IL1RAPL2: variants seen among roughly 807,000 people sequenced by gnomAD.
IL1RAPL2 encodes the protein X-linked interleukin-1 receptor accessory protein-like 2.
Under a neutral mutation model 44.1 loss-of-function variants are expected in IL1RAPL2, and 3 were observed. That is an observed-to-expected ratio of 0.07 (90% CI 0.03 to 0.18). The LOEUF (loss-of-function observed/expected upper bound fraction) is 0.18. IL1RAPL2 is among the 10% of genes least tolerant of loss of function. The pLI, the probability that IL1RAPL2 is intolerant of heterozygous loss-of-function variation, is 1.00. For synonymous variants in IL1RAPL2, 181 were observed against 178.8 expected (o/e 1.01, Z -0.10); for missense variants, 391 against 496.4 (o/e 0.79, Z 2.02).
intron 2 of IL1RAPL2, among the ~76,000 whole-genome samples, chrX:104,845,105 G>A (rs1306360838): frequency 2.7e-5 from 3 of 111,953 alleles, no homozygotes; most frequent in East Asian, 5.6e-4. Context: ...TCCCTTATCT[G>A]TGTTGAGATG....
chrX:105,178,817 T>C (rs2033501082), intron 2 of IL1RAPL2, among the ~76,000 whole-genome samples: 1 of 111,697 alleles, frequency 9.0e-6, no homozygotes. Flanking sequence ...TATTTGTGTC[T>C]TTTGCCCACT....
chrX:104,656,728 CTTG>C (rs1464630726), intron 1 of IL1RAPL2, among the ~76,000 whole-genome samples: 1 of 111,268 alleles, frequency 9.0e-6, no homozygotes, highest in Non-Finnish European at 1.9e-5. Context: ...CCTGAATATT[CTTG>C]TTAATTTTTT....
In IL1RAPL2 at chrX:105,089,098, C is replaced by T. The variant is rs150650328; in HGVS notation, c.83-106377C>T. Among the ~76,000 whole-genome samples, 650 of 111,174 alleles carry T rather than the reference C, an allele frequency of 5.8e-3. 6 individuals carry two copies. Among genetic ancestry groups the T allele is most frequent in the Middle Eastern group, 0.032 (7 of 216 alleles). The stretch of plus-strand genomic sequence containing the variant: ...TATGAAAAGGATGGAACTTTGCAGA[C>T]CATAAAAAGTATAATAAAGGAGCCA... On this transcript the variant is annotated intron_variant, in intron 2 of 10. Coordinates refer to ENST00000372582, the MANE Select transcript of IL1RAPL2 (RefSeq NM_017416.2).
intron 2 of IL1RAPL2, among the ~76,000 whole-genome samples, chrX:104,674,936 G>C (rs1192850263): frequency 3.6e-5 from 4 of 111,539 alleles, no homozygotes; most frequent in Admixed American, 9.5e-5. Flanking sequence ...TGTGGGATCG[G>C]TGGTGATATC....
At chrX:105,514,034 G>A (rs957047750) in intron 6 of IL1RAPL2, among the ~76,000 whole-genome samples, 1 of 111,388 alleles carries the variant, frequency 9.0e-6, no homozygotes, top group South Asian at 3.8e-4. Context: ...GCAGAATGGG[G>A]AAGGCTTGTG....
At position 105,260,572 on chromosome X, in the gene IL1RAPL2, G is replaced by A. The variant is rs938815525; in HGVS notation, c.544-6816G>A. On this transcript the variant is annotated intron_variant, in intron 4 of 10. Transcript: ENST00000372582. ...CCCCTCCCTCTTGGATCTCCTTCCT[G>A]GGAAAGTTACAAATCTCTGTTGGTT... Among the ~76,000 whole-genome samples, 7 of 109,382 alleles carry A rather than the reference G, an allele frequency of 6.4e-5. No individual in the cohort carries two copies. In the Admixed American group the frequency reaches 6.8e-4, roughly 11 times the overall value. 95.0% of individuals were successfully genotyped at this position (109,382 alleles called of 115,157 possible).
chrX:105,139,880 A>G (rs1044478514), intron 2 of IL1RAPL2, among the ~76,000 whole-genome samples: 2 of 112,239 alleles, frequency 1.8e-5, no homozygotes, highest in African/African-American at 6.5e-5. Context: ...CTTTTTAAAC[A>G]TGATGCATAT....
At chrX:105,755,086 C>T (rs942802978) in intron 9 of IL1RAPL2, 91 bp from the exon 10 acceptor site, 15 of 533,095 alleles carry the variant, frequency 2.8e-5, no homozygotes, top group East Asian at 6.9e-5. Context: ...TTATTAAAGA[C>T]GGTCACTAAT....
chrX:104,687,131 T>C (rs1372833780), intron 2 of IL1RAPL2, among the ~76,000 whole-genome samples: 1 of 112,368 alleles, frequency 8.9e-6, no homozygotes, highest in Non-Finnish European at 1.9e-5. Context: ...TCCAAGTGTA[T>C]TGGAGCATGG....
intron 6 of IL1RAPL2, among the ~76,000 whole-genome samples, chrX:105,601,951 C>G (rs1210078795): frequency 9.0e-6 from 1 of 110,721 alleles, no homozygotes; most frequent in East Asian, 2.9e-4. Flanking sequence ...GGGAGGCTGC[C>G]CACAGTACCA....
intron 6 of IL1RAPL2, among the ~76,000 whole-genome samples, chrX:105,518,195 A>G (rs1191571115): frequency 1.8e-5 from 2 of 110,350 alleles, no homozygotes; most frequent in Non-Finnish European, 3.8e-5. Context: ...CATATAGACT[A>G]GACTCCTGGG....
chrX:105,680,727 A>G (rs1046180982), intron 6 of IL1RAPL2, among the ~76,000 whole-genome samples: 10 of 112,364 alleles, frequency 8.9e-5, no homozygotes, highest in African/African-American at 2.6e-4. Context: ...AGCAGAGTCT[A>G]CTAAATTATT....
intron 2 of IL1RAPL2, among the ~76,000 whole-genome samples, chrX:104,967,308 A>G (rs2030143728): frequency 9.0e-6 from 1 of 111,728 alleles, no homozygotes; most frequent in African/African-American, 3.2e-5. Context: ...ATTTGAATAA[A>G]TATTCACAAG....
At chrX:105,611,597 TAGG>T (rs2037336804) in intron 6 of IL1RAPL2, among the ~76,000 whole-genome samples, 1 of 112,268 alleles carries the variant, frequency 8.9e-6, no homozygotes, top group Admixed American at 9.5e-5. Flanking sequence ...GTTTGTAGCT[TAGG>T]AGCAATAGGC....
intron 2 of IL1RAPL2, among the ~76,000 whole-genome samples, chrX:104,871,062 A>T (rs1028125238): frequency 9.0e-6 from 1 of 111,345 alleles, no homozygotes; most frequent in Non-Finnish European, 1.9e-5. Context: ...ATAAAGAAAA[A>T]GTCAAATTAA....
At chrX:104,946,505 G>A (rs1329562224) in intron 2 of IL1RAPL2, among the ~76,000 whole-genome samples, 1 of 98,358 alleles carries the variant, frequency 1.0e-5, no homozygotes, top group Non-Finnish European at 2.0e-5. Context: ...ATGCTGGTGT[G>A]CTGCACCCAC....
intron 2 of IL1RAPL2, among the ~76,000 whole-genome samples, chrX:104,918,726 C>CA (rs1924538748): frequency 8.9e-6 from 1 of 111,869 alleles, no homozygotes; most frequent in South Asian, 3.7e-4. Flanking sequence ...TAATAGAGGA[C>CA]AAAATGGAGT....
chrX:105,127,484 G>A (rs908581875), intron 2 of IL1RAPL2, among the ~76,000 whole-genome samples: 3 of 110,959 alleles, frequency 2.7e-5, no homozygotes, highest in Non-Finnish European at 5.7e-5. Context: ...TAGTTTTGTA[G>A]GATAACACAT....
intron 2 of IL1RAPL2, among the ~76,000 whole-genome samples, chrX:104,900,970 C>G (rs999263536): frequency 9.0e-6 from 1 of 110,924 alleles, no homozygotes; most frequent in African/African-American, 3.3e-5. Flanking sequence ...AATGTTGTAT[C>G]ATAAAGGGAT....
Sources: allele counts gnomAD v4.1 joint callset (sites outside exome capture counted in the v4.1 genomes callset), GRCh38; gene constraint gnomAD v4.1.1; transcripts MANE v1.5; gene names NCBI Gene and HGNC (gene_info 2026-07-23, HGNC 2026-07-21).